CACNA1E: variants seen among roughly 807,000 people sequenced by gnomAD.
CACNA1E encodes the protein voltage-dependent R-type calcium channel subunit alpha-1E.
In CACNA1E, 40 loss-of-function variants were observed where a neutral mutation model predicts 259.2. The observed-to-expected ratio is 0.15, with a 90% CI of 0.12 to 0.20. The LOEUF (loss-of-function observed/expected upper bound fraction) is 0.20. Among genes scored for constraint, CACNA1E ranks in the 10% least tolerant of loss-of-function variants. The pLI, the probability that CACNA1E is intolerant of heterozygous loss-of-function variation, is 1.00. For synonymous variants in CACNA1E, 1,104 were observed against 1,138.5 expected, an observed-to-expected ratio of 0.97 and a Z score of 0.61; for missense variants, 1,874 against 3,040.1, an observed-to-expected ratio of 0.62 and a Z score of 9.02.
intron 44 of CACNA1E, among the ~76,000 whole-genome samples, chr1:181,792,037 A>G (rs975479865): frequency 6.6e-6 from 1 of 151,976 alleles, no homozygotes; most frequent in East Asian, 1.9e-4. Flanking sequence ...GGTGTTCTTG[A>G]TGAGGCAGGT....
chr1:181,704,701 T>A (rs972070889), intron 7 of CACNA1E, among the ~76,000 whole-genome samples: 3 of 152,018 alleles, frequency 2.0e-5, no homozygotes, highest in Non-Finnish European at 4.4e-5. Context: ...GATCTTTGAG[T>A]CACACAGGCC....
At chr1:181,423,831 A>G (rs1159870373) in intron 2 of CACNA1E, among the ~76,000 whole-genome samples, 1 of 152,206 alleles carries the variant, frequency 6.6e-6, no homozygotes, top group East Asian at 1.9e-4. Flanking sequence ...AAAAGGGTGC[A>G]TGGCAGAATT....
rs922167430 is a variant in CACNA1E at position 181,798,355 on chromosome 1, A to C, written c.6463A>C (p.Ser2155Arg). The change falls in exon 48 of 48, where the codon AGT (serine) becomes CGT (arginine). Residue 2155 changes from serine to arginine, a missense_variant. Physicochemically the swap from Ser to Arg is moderately radical, Grantham distance 110. Coordinates refer to ENST00000367573, the MANE Select transcript of CACNA1E (RefSeq NM_001205293.3). This position sits in a 1 kb window ranked among gnomAD's most constrained non-coding sequence, Gnocchi z 4.2. Reference protein sequence around the residue: ...SVSDTSTPRRSRRQLPPVPPK... With the variant: ...SVSDTSTPRRRRRQLPPVPPK... ...CTCTGACACCAGCACCCCAAGAAGA[A>C]GTCGTCGGCAGCTCCCACCCGTCCC... 1 of 1,610,934 alleles carries C rather than the reference A, an allele frequency of 6.2e-7. No homozygotes were observed. Among genetic ancestry groups the C allele is most frequent in the African/African-American group, 1.3e-5 (1 of 74,948 alleles).
At chr1:181,635,077 C>T (rs892826684) in intron 6 of CACNA1E, among the ~76,000 whole-genome samples, 1 of 152,262 alleles carries the variant, frequency 6.6e-6, no homozygotes, top group South Asian at 2.1e-4. Flanking sequence ...GTCTTCACCG[C>T]TTGTTGAGAC....
intron 1 of CACNA1E, among the ~76,000 whole-genome samples, chr1:181,506,884 A>G (rs114019262): frequency 6.6e-6 from 1 of 151,594 alleles, no homozygotes; most frequent in African/African-American, 2.4e-5. Context: ...CCCTGCCACT[A>G]TCCATTCTTT....
In CACNA1E at chr1:181,736,256, C is replaced by T. The variant is rs1442233380; in HGVS notation, c.3263-19C>T. The T allele has an allele frequency of 3.2e-6, 5 of 1,566,780 alleles. No homozygotes were observed. The highest frequency in any genetic ancestry group is 4.3e-6 in the Non-Finnish European group (5 of 1,155,168). ...CATGCCTCATGATTTCTGAAGATTTCAACGTGTTCCTCTTGCAGTTAGCAA... is the reference window on the plus strand; with the variant it reads ...CATGCCTCATGATTTCTGAAGATTTTAACGTGTTCCTCTTGCAGTTAGCAA... On this transcript the variant is annotated intron_variant, in intron 21 of 47. Coordinates refer to ENST00000367573, the MANE Select transcript of CACNA1E (RefSeq NM_001205293.3).
intron 6 of CACNA1E, among the ~76,000 whole-genome samples, chr1:181,635,460 C>T (rs894683267): frequency 6.6e-6 from 1 of 152,196 alleles, no homozygotes; most frequent in African/African-American, 2.4e-5. Context: ...CTCAAGCTTT[C>T]TCCTTCCCCA....
At chr1:181,777,568 TAGAA>T (rs1558379686) in intron 38 of CACNA1E, among the ~76,000 whole-genome samples, 1 of 152,198 alleles carries the variant, frequency 6.6e-6, no homozygotes, top group Non-Finnish European at 1.5e-5. Context: ...AAATAGATCT[TAGAA>T]AGCAATGGGC....
chr1:181,413,514 ACAT>A, exon 2 of CACNA1E: 1 of 152,432 alleles, frequency 6.6e-6, no homozygotes, highest in Non-Finnish European at 1.5e-5. Context: ...GAGCAGCGCG[ACAT>A]CATCAAGGCC....
At chr1:181,757,896 G>C (rs1016053851) in intron 30 of CACNA1E, 51 bp from the exon 31 acceptor site, 22 of 1,589,182 alleles carry the variant, frequency 1.4e-5, no homozygotes, top group Non-Finnish European at 1.9e-5. Flanking sequence ...AGCCTGCCAT[G>C]GTAGATCTAG....
At chr1:181,363,191 C>T (rs1192422591) in intron 1 of CACNA1E, among the ~76,000 whole-genome samples, 2 of 152,140 alleles carry the variant, frequency 1.3e-5, no homozygotes. Context: ...TCCCTGCTCT[C>T]AAGGGTACTC....
At chr1:181,409,156 CA>C (rs1174468958) in intron 1 of CACNA1E, among the ~76,000 whole-genome samples, 8 of 152,234 alleles carry the variant, frequency 5.3e-5, no homozygotes, top group Admixed American at 5.2e-4. Flanking sequence ...CATGCTACAA[CA>C]GCAGCGTTTA....
chr1:181,714,775 A>C lies in CACNA1E; in HGVS notation c.1172-563A>C, dbSNP rs1304797947. On this transcript the variant is annotated intron_variant, in intron 8 of 47. Transcript: ENST00000367573. ...GGCTCAGGCTCTGGTCAACCAACAA[A>C]GGATGGAAGCCATGGGGACAGGAGG... Among the ~76,000 whole-genome samples, 3 of 152,200 alleles carry C rather than the reference A, an allele frequency of 2.0e-5. No individual in the cohort carries two copies. The East Asian group carries it at 5.8e-4, about 29-fold the overall frequency.
rs138127220 is a variant in CACNA1E, at chr1:181,465,123, T to G, written c.435-18621T>G. On this transcript the variant is annotated intron_variant, in intron 2 of 11. Coordinates refer to the CACNA1E transcript ENST00000524607. ...AAAGTCTTTATTTCGAGTCATAATT[T>G]AGCTATTTTCAACACTTGATGATAT... is the stretch of plus-strand genomic sequence containing the variant. 2.6e-4 allele frequency among the ~76,000 whole-genome samples: 39 copies of G among 152,234 alleles called. 1 individual carries two copies. Among genetic ancestry groups the G allele is most frequent in the Non-Finnish European group, 4.1e-4 (28 of 68,000 alleles).
chr1:181,481,832 T>G (rs1663274319), upstream of CACNA1E, among the ~76,000 whole-genome samples: 1 of 108,700 alleles, frequency 9.2e-6, no homozygotes, highest in African/African-American at 3.5e-5. Context: ...ACCAATTCTA[T>G]TTTTTTTTTT....
chr1:181,551,634 C>T (rs550197140), intron 3 of CACNA1E, among the ~76,000 whole-genome samples: 2 of 152,242 alleles, frequency 1.3e-5, no homozygotes, highest in South Asian at 4.1e-4. Context: ...CGAAAAAGCT[C>T]TGTGCAGGGG....
intron 39 of CACNA1E, among the ~76,000 whole-genome samples, chr1:181,783,213 C>G (rs1660573654): frequency 6.6e-6 from 1 of 152,166 alleles, no homozygotes; most frequent in Non-Finnish European, 1.5e-5. Flanking sequence ...ATAAGCAAAG[C>G]AAAATCTCAT....
At chr1:181,523,928 T>TCTA (rs1667166150) in intron 3 of CACNA1E, among the ~76,000 whole-genome samples, 1 of 152,236 alleles carries the variant, frequency 6.6e-6, no homozygotes, top group Non-Finnish European at 1.5e-5. Flanking sequence ...ACAGTCTAAT[T>TCTA]GGAGTTCACG....
intron 6 of CACNA1E, among the ~76,000 whole-genome samples, chr1:181,650,209 AG>A (rs1451394700): frequency 9.9e-5 from 15 of 152,270 alleles, no homozygotes; most frequent in Non-Finnish European, 1.6e-4. Context: ...TAGTAGTGAG[AG>A]GGGGAAAAGG....
Sources: allele counts gnomAD v4.1 joint callset (sites outside exome capture counted in the v4.1 genomes callset), GRCh38; gene constraint gnomAD v4.1.1; non-coding constraint Gnocchi (gnomAD v3.1); transcripts MANE v1.5; gene names NCBI Gene and HGNC (gene_info 2026-07-23, HGNC 2026-07-21).